The following ARHGEF4 variants were observed in gnomAD, a reference collection of about 807,000 sequenced individuals.
The protein encoded by ARHGEF4 is Rho guanine nucleotide exchange factor 4, also known as APC-stimulated guanine nucleotide exchange factor 1.
In ARHGEF4, 119 loss-of-function variants were observed where a neutral mutation model predicts 162.0. That is an observed-to-expected ratio of 0.73 (90% CI 0.63 to 0.86). ARHGEF4 has a LOEUF of 0.86. ARHGEF4 is among the 40% of genes least tolerant of loss of function. ARHGEF4 has a pLI of 0.00. For synonymous variants in ARHGEF4, 1,014 were observed against 979.9 expected, an observed-to-expected ratio of 1.03 and a Z score of -0.65; for missense variants, 2,488 against 2,456.0, an observed-to-expected ratio of 1.01 and a Z score of -0.28.
chr2:130,993,979 C>T (rs1256752898), intron 4 of ARHGEF4, among the ~76,000 whole-genome samples: 3 of 152,114 alleles, frequency 2.0e-5, no homozygotes, highest in African/African-American at 7.2e-5. Context: ...GGGGTTTCAC[C>T]ATGTTGGCCA....
intron 4 of ARHGEF4, among the ~76,000 whole-genome samples, chr2:131,004,634 C>T (rs573332807): frequency 1.3e-5 from 2 of 152,098 alleles, no homozygotes; most frequent in Admixed American, 1.3e-4. Context: ...AGGCCTGACC[C>T]GGCCGTGAGC....
intron 1 of ARHGEF4, among the ~76,000 whole-genome samples, chr2:130,864,583 A>G (rs1489224339): frequency 1.3e-5 from 2 of 152,106 alleles, no homozygotes; most frequent in East Asian, 3.9e-4. Flanking sequence ...AATTAGCCAG[A>G]TGTGGTGGTG....
At chr2:130,996,114 C>G (rs907852513) in intron 4 of ARHGEF4, among the ~76,000 whole-genome samples, 1 of 151,890 alleles carries the variant, frequency 6.6e-6, no homozygotes, top group Non-Finnish European at 1.5e-5. Flanking sequence ...GGTCTCGAAC[C>G]CCTGACCTCA....
intron 4 of ARHGEF4, among the ~76,000 whole-genome samples, chr2:130,950,545 C>T (rs1415983621): frequency 6.6e-6 from 1 of 152,128 alleles, no homozygotes; most frequent in Non-Finnish European, 1.5e-5. Context: ...GTAAAGGATG[C>T]TTTCTATTTT....
intron 4 of ARHGEF4, among the ~76,000 whole-genome samples, chr2:130,958,419 C>T (rs1360351513): frequency 1.3e-5 from 2 of 149,402 alleles, no homozygotes; most frequent in African/African-American, 4.9e-5. Flanking sequence ...GCTGGGGAGG[C>T]GGTGGGAGGC....
chr2:130,867,369 C>T (rs528074508), intron 1 of ARHGEF4, among the ~76,000 whole-genome samples: 1 of 151,806 alleles, frequency 6.6e-6, no homozygotes, highest in East Asian at 1.9e-4. Context: ...CTCTTGAGTA[C>T]TGGGATTACA....
At chr2:130,961,386 G>A (rs1354455234) in intron 4 of ARHGEF4, among the ~76,000 whole-genome samples, 1 of 152,196 alleles carries the variant, frequency 6.6e-6, no homozygotes, top group Non-Finnish European at 1.5e-5. Flanking sequence ...GCCAAGCCAT[G>A]AAAAGCCAAG....
chr2:131,045,602 G>C (rs567061050), intron 13 of ARHGEF4, 156 bp downstream of exon 13: 6 of 1,578,204 alleles, frequency 3.8e-6, no homozygotes, highest in Non-Finnish European at 5.2e-6. Flanking sequence ...TTGGTAATAA[G>C]GGGCCACTGG....
chr2:130,925,552 G>A (rs942455425), intron 2 of ARHGEF4, among the ~76,000 whole-genome samples: 1 of 152,172 alleles, frequency 6.6e-6, no homozygotes, highest in Non-Finnish European at 1.5e-5. Flanking sequence ...CTTTGAGAAT[G>A]TCTCAATTTT....
At position 130,916,195 on chromosome 2, in the gene ARHGEF4, GC is replaced by G; in HGVS notation, c.2252del (p.Pro751ArgfsTer47). On this transcript the variant is annotated frameshift_variant, in exon 2 of 14. Coordinates refer to ENST00000409359, the MANE Select transcript of ARHGEF4 (RefSeq NM_001367493.1). LOFTEE classifies it high-confidence loss of function. Reference protein sequence around the residue: ...ESRSSGSGERGPEEAPEGGAA... With the variant: ...ESRSSGSGERXPEEAPEGGAA... ...CGGAGCTCCGGGTCAGGGGAGCGTGGCCCGGAGGAGGCCCCCGAAGGCGGTG... is the reference window on the plus strand; with the variant it reads ...CGGAGCTCCGGGTCAGGGGAGCGTGGCCGGAGGAGGCCCCCGAAGGCGGTG... 6.5e-7 allele frequency: 1 copy of G among 1,547,534 alleles called. No homozygotes were observed. Among genetic ancestry groups the G allele is most frequent in the Non-Finnish European group, 8.7e-7 (1 of 1,146,492 alleles).
At chr2:130,837,105 G>T in intron 1 of ARHGEF4, 113 bp downstream of exon 1, 1 of 1,019,450 alleles carries the variant, frequency 9.8e-7, no homozygotes, top group Non-Finnish European at 1.3e-6. Context: ...GGCACCCGGT[G>T]GGTGGGGACA....
intron 4 of ARHGEF4, 61 bp from the exon 5 acceptor site, chr2:131,027,884 G>A (rs908005317): frequency 1.9e-6 from 3 of 1,597,178 alleles, no homozygotes; most frequent in African/African-American, 2.7e-5. Flanking sequence ...TTCTCCACGT[G>A]TTCTCCCCTC....
intron 4 of ARHGEF4, chr2:130,964,250 G>T: frequency 1.0e-6 from 1 of 985,746 alleles, no homozygotes; most frequent in Non-Finnish European, 1.2e-6. Context: ...GCCACCGCCG[G>T]TAAGGACGCC....
chr2:130,997,363 T>C (rs1248471739), intron 4 of ARHGEF4, among the ~76,000 whole-genome samples: 2 of 152,228 alleles, frequency 1.3e-5, no homozygotes, highest in African/African-American at 2.4e-5. Flanking sequence ...TTGATGCTTT[T>C]GTTATGTATT....
At chr2:130,885,729 C>T (rs1308365588) in intron 1 of ARHGEF4, among the ~76,000 whole-genome samples, 2 of 151,696 alleles carry the variant, frequency 1.3e-5, no homozygotes, top group Admixed American at 6.6e-5. Flanking sequence ...GCCACCATGC[C>T]TGGCTAATTT....
intron 5 of ARHGEF4, among the ~76,000 whole-genome samples, chr2:131,031,544 G>A (rs1422886582): frequency 6.6e-6 from 1 of 152,252 alleles, no homozygotes; most frequent in Non-Finnish European, 1.5e-5. Context: ...CCGTGTCTGT[G>A]TGGGCCCCTG....
chr2:130,875,637 C>A (rs577554088), intron 1 of ARHGEF4, among the ~76,000 whole-genome samples: 1 of 152,286 alleles, frequency 6.6e-6, no homozygotes, highest in Admixed American at 6.5e-5. Flanking sequence ...CAGCATTAAT[C>A]CCCCCGATGA....
intron 2 of ARHGEF4, among the ~76,000 whole-genome samples, chr2:130,919,369 T>C (rs368039409): frequency 4.6e-5 from 7 of 152,210 alleles, no homozygotes; most frequent in African/African-American, 1.2e-4. Flanking sequence ...TCTGAAATGA[T>C]TGGCAATCAA....
chr2:130,901,870 A>G (rs114993449), intron 1 of ARHGEF4, among the ~76,000 whole-genome samples: 2,076 of 152,274 alleles, frequency 0.014, 26 homozygotes, highest in South Asian at 0.029. Context: ...CACAAAGCCA[A>G]CGGTCTCCCT....
Sources: allele counts gnomAD v4.1 joint callset (sites outside exome capture counted in the v4.1 genomes callset), GRCh38; gene constraint gnomAD v4.1.1; transcripts MANE v1.5; gene names NCBI Gene and HGNC (gene_info 2026-07-23, HGNC 2026-07-21).